The following THRAP3 variants were observed in gnomAD, a reference collection of about 807,000 sequenced individuals.
THRAP3 encodes thyroid hormone receptor associated protein 3, also known as thyroid hormone receptor-associated protein 3.
Under a neutral mutation model 101.0 loss-of-function variants are expected in THRAP3, and 16 were observed. The observed-to-expected ratio is 0.16, with a 90% CI of 0.11 to 0.24. The LOEUF (loss-of-function observed/expected upper bound fraction) is 0.24. THRAP3 is among the 10% of genes least tolerant of loss of function. The probability of loss-of-function intolerance (pLI) is 1.00; values close to 1 mark genes in which losing one functional copy is unlikely to be tolerated. For missense variants in THRAP3, 989 were observed against 1,202.7 expected (o/e 0.82, Z 2.63); for synonymous variants, 407 against 422.6 (o/e 0.96, Z 0.45).
chr1:36,215,009 C>G, the THRAP3 span, among the ~76,000 whole-genome samples: 1 of 151,646 alleles, frequency 6.6e-6, no homozygotes, highest in East Asian at 1.9e-4. Flanking sequence ...ATTATGAGGT[C>G]ATGAGATAGA....
In THRAP3 at chr1:36,228,042, CT is replaced by C. The variant is rs1158538167; in HGVS notation, c.-135+3556del. Among the ~76,000 whole-genome samples the C allele has an allele frequency of 7.3e-3, 802 of 110,452 alleles. 6 individuals are homozygous for C. The highest frequency in any genetic ancestry group is 0.021 in the African/African-American group (577 of 27,654). The allele number at this position is 110,452 out of a possible 152,430, so 72.5% of individuals were successfully genotyped here. A position where few individuals can be genotyped will look rare whatever the true frequency, so the allele number is the denominator to read the frequency against. Reference sequence around the variant, plus strand: ...AGGCACCCGCCACCACACGTGGCCTCTTTTTTTTTTTTTTTTTTTCTGTTGG... The same window carrying C: ...AGGCACCCGCCACCACACGTGGCCTCTTTTTTTTTTTTTTTTTTCTGTTGG... On this transcript the variant is annotated intron_variant, in intron 1 of 11. Transcript: ENST00000354618.
At chr1:36,214,007 A>G in the THRAP3 span, among the ~76,000 whole-genome samples, 2 of 60,386 alleles carry the variant, frequency 3.3e-5, no homozygotes, top group Admixed American at 3.6e-4. Flanking sequence ...GGAAAGAAAG[A>G]AAGAAAGAAA....
chr1:36,271,974 C>T (rs1346981786), intron 2 of THRAP3, among the ~76,000 whole-genome samples: 1 of 152,142 alleles, frequency 6.6e-6, no homozygotes, highest in Non-Finnish European at 1.5e-5. Flanking sequence ...AAGTAATTCA[C>T]CCCCTTTGGC....
chr1:36,234,175 G>A (rs1050071727), intron 1 of THRAP3, among the ~76,000 whole-genome samples: 1 of 152,008 alleles, frequency 6.6e-6, no homozygotes, highest in African/African-American at 2.4e-5. Context: ...GGCTGGTCTC[G>A]AACTCCTTCC....
At chr1:36,220,973 ATATAT>A (rs1443343706), upstream of THRAP3, among the ~76,000 whole-genome samples, 21 of 80,626 alleles carry the variant, frequency 2.6e-4, no homozygotes, top group African/African-American at 7.9e-4. Flanking sequence ...AAAAAAAAAA[ATATAT>A]ATATATATAT....
chr1:36,280,213 A>T (rs1645713673), intron 2 of THRAP3, among the ~76,000 whole-genome samples: 1 of 152,228 alleles, frequency 6.6e-6, no homozygotes, highest in South Asian at 2.1e-4. Context: ...CAAAATTCTT[A>T]TCTGTAAAAC....
intron 4 of THRAP3, chr1:36,288,234 C>A (rs981835092): frequency 3.6e-5 from 29 of 815,994 alleles, no homozygotes; most frequent in Non-Finnish European, 4.3e-5. Flanking sequence ...ATGGTGATTT[C>A]TGAGGTTTTG....
chr1:36,253,288 C>G (rs564903412), intron 1 of THRAP3, among the ~76,000 whole-genome samples: 1 of 152,242 alleles, frequency 6.6e-6, no homozygotes, highest in South Asian at 2.1e-4. Context: ...CATAACATTG[C>G]AGATAAATCG....
At chr1:36,213,958 A>AGAAAGAAAGAAG in the THRAP3 span, among the ~76,000 whole-genome samples, 1 of 118,262 alleles carries the variant, frequency 8.5e-6, no homozygotes, top group Non-Finnish European at 1.7e-5. Context: ...AAAGAAAGAA[A>AGAAAGAAAGAAG]GAAGGAAAGA....
chr1:36,288,950 C>G lies in THRAP3; in HGVS notation c.1041-110C>G, dbSNP rs1241436305. 5 of 1,374,958 alleles carry G rather than the reference C, an allele frequency of 3.6e-6. No individual in the cohort carries two copies. The East Asian group carries it at 1.3e-4, about 37-fold the overall frequency. The allele number at this position is 1,374,958 out of a possible 1,614,324, so 85.2% of individuals were successfully genotyped here. On this transcript the variant is annotated intron_variant, in intron 4 of 11. Transcript: ENST00000354618. ...AAAGTCCTTTGGTAATACAGGAATC[C>G]ATAAGACATGTTTTTTTCAGAGAAT...
the THRAP3 span, among the ~76,000 whole-genome samples, chr1:36,216,550 C>A: frequency 6.7e-6 from 1 of 149,392 alleles, no homozygotes; most frequent in East Asian, 2.0e-4. Flanking sequence ...ACCTATAATC[C>A]TAGTACTTTG....
the THRAP3 span, among the ~76,000 whole-genome samples, chr1:36,218,390 G>C: frequency 7.1e-6 from 1 of 141,322 alleles, no homozygotes; most frequent in Non-Finnish European, 1.5e-5. Context: ...ACTCCAGCCT[G>C]GGCAACACAG....
chr1:36,224,800 C>T (rs1398056519), intron 1 of THRAP3, among the ~76,000 whole-genome samples: 2 of 152,204 alleles, frequency 1.3e-5, no homozygotes, highest in South Asian at 2.1e-4. Flanking sequence ...GGGGCGGCCA[C>T]TCCCTACTCC....
chr1:36,224,980 C>T lies in THRAP3; in HGVS notation c.-135+475C>T, dbSNP rs145414329. 3 of 152,344 alleles carry T rather than the reference C, an allele frequency of 2.0e-5. No homozygotes were observed. In the East Asian group the frequency reaches 5.8e-4, roughly 29 times the overall value. 9.4% of individuals were successfully genotyped at this position (152,344 alleles called of 1,614,324 possible). A position where few individuals can be genotyped will look rare whatever the true frequency, so the allele number is the denominator to read the frequency against. On this transcript the variant is annotated intron_variant, in intron 1 of 11. Coordinates refer to ENST00000354618, the MANE Select transcript of THRAP3 (RefSeq NM_005119.4). ...CTTCCGTTCTTTCCAGCCTGGTGGC[C>T]AAAAACGGGATAGTCCAAATTTGTC...
At chr1:36,268,821 GTTCAAGCGATTC>G (rs1450469470) in intron 2 of THRAP3, among the ~76,000 whole-genome samples, 1 of 152,050 alleles carries the variant, frequency 6.6e-6, no homozygotes, top group Non-Finnish European at 1.5e-5. Flanking sequence ...CACCTCCCAG[GTTCAAGCGATTC>G]TCCTGCCTCA....
At chr1:36,288,572 A>C (rs1360212814) in intron 4 of THRAP3, 1 of 985,348 alleles carries the variant, frequency 1.0e-6, no homozygotes, top group Non-Finnish European at 1.2e-6. Flanking sequence ...TAGATCTTCT[A>C]GGTGACTTGA....
Position 36,303,931 on chromosome 1 carries a change from A to G in THRAP3, c.2782A>G (p.Ser928Gly). 1 of 1,613,282 alleles carries G rather than the reference A, an allele frequency of 6.2e-7. No individual in the cohort carries two copies. Among genetic ancestry groups the G allele is most frequent in the Non-Finnish European group, 8.5e-7 (1 of 1,179,654 alleles). The change falls in exon 12 of 12, where the codon AGT becomes GGT. Residue 928 changes from serine (S) to glycine (G), a missense_variant. Physicochemically the swap from Ser to Gly is moderately conservative, Grantham distance 56. Coordinates refer to ENST00000354618, the MANE Select transcript of THRAP3 (RefSeq NM_005119.4). Reference sequence around the variant, plus strand: ...CCCCAAGTGGGCCCATGACAAGTTCAGTGGGGAGGAAGGGGAGATTGAAGA... The same window carrying G: ...CCCCAAGTGGGCCCATGACAAGTTCGGTGGGGAGGAAGGGGAGATTGAAGA... ...TSPKWAHDKF[S>G]GEEGEIEDDE...
chr1:36,261,387 G>A (rs527979893), intron 2 of THRAP3, among the ~76,000 whole-genome samples: 12 of 152,234 alleles, frequency 7.9e-5, no homozygotes, highest in African/African-American at 2.9e-4. Context: ...AAAAAAACTA[G>A]CCAGGCACGG....
intron 1 of THRAP3, among the ~76,000 whole-genome samples, chr1:36,250,969 A>T (rs1315938500): frequency 6.6e-6 from 1 of 150,830 alleles, no homozygotes; most frequent in South Asian, 2.1e-4. Context: ...CTGGTCTTGA[A>T]CTCCTAAGCT....
Sources: allele counts gnomAD v4.1 joint callset (sites outside exome capture counted in the v4.1 genomes callset), GRCh38; gene constraint gnomAD v4.1.1; transcripts MANE v1.5; gene names NCBI Gene and HGNC (gene_info 2026-07-23, HGNC 2026-07-21).